Variants in C1orf21 observed in about 807,000 individuals in gnomAD.
C1orf21 encodes the protein chromosome 1 open reading frame 21, also known as uncharacterized protein C1orf21.
Under a neutral mutation model 18.7 loss-of-function variants are expected in C1orf21, and 3 were observed. The observed-to-expected ratio is 0.16, with a 90% CI of 0.07 to 0.42. The LOEUF (loss-of-function observed/expected upper bound fraction) is 0.42, where lower values mean the gene tolerates loss of function less well. Ranked by LOEUF, C1orf21 falls within the 10% of genes least tolerant of loss-of-function variation. C1orf21 has a pLI of 0.99. For synonymous variants in C1orf21, 41 were observed against 46.4 expected (o/e 0.88, Z 0.47); for missense variants, 104 against 143.6 (o/e 0.72, Z 1.41).
chr1:184,528,327 G>A (rs970837472), intron 3 of C1orf21, among the ~76,000 whole-genome samples: 3 of 152,192 alleles, frequency 2.0e-5, no homozygotes, highest in African/African-American at 7.2e-5. Context: ...ATTTTTGTGA[G>A]ATGCTTTCCA....
chr1:184,590,368 C>T (rs192010256), intron 3 of C1orf21, among the ~76,000 whole-genome samples: 97 of 152,272 alleles, frequency 6.4e-4, no homozygotes, highest in African/African-American at 2.1e-3. Context: ...ATAAATTGCA[C>T]GGAAGTCAGT....
intron 5 of C1orf21, among the ~76,000 whole-genome samples, chr1:184,616,673 T>C (rs1659828662): frequency 6.6e-6 from 1 of 152,120 alleles, no homozygotes; most frequent in African/African-American, 2.4e-5. Flanking sequence ...TGTGTGCATG[T>C]GTGCACGTGT....
intron 2 of C1orf21, among the ~76,000 whole-genome samples, chr1:184,496,622 C>T (rs1657898462): frequency 6.6e-6 from 1 of 152,130 alleles, no homozygotes; most frequent in Non-Finnish European, 1.5e-5. Flanking sequence ...TTATTGAATT[C>T]TGGAATTTTA....
intron 3 of C1orf21, among the ~76,000 whole-genome samples, chr1:184,512,700 G>A (rs764648048): frequency 8.5e-4 from 129 of 152,184 alleles, no homozygotes; most frequent in Admixed American, 2.9e-3. Flanking sequence ...TATAATTTTG[G>A]CCAAATATCA....
At chr1:184,611,417 G>A (rs960688775) in intron 5 of C1orf21, among the ~76,000 whole-genome samples, 2 of 152,190 alleles carry the variant, frequency 1.3e-5, no homozygotes, top group African/African-American at 4.8e-5. Flanking sequence ...TGCAGGCGGT[G>A]GTTTAAGCCC....
chr1:184,422,387 A>C (rs1656559512), intron 1 of C1orf21, among the ~76,000 whole-genome samples: 1 of 152,238 alleles, frequency 6.6e-6, no homozygotes, highest in South Asian at 2.1e-4. Flanking sequence ...GCCAGGCAGC[A>C]TTCTTAGCAC....
intron 1 of C1orf21, among the ~76,000 whole-genome samples, chr1:184,417,922 A>G (rs74131666): frequency 0.021 from 3,129 of 152,284 alleles, 115 homozygotes; most frequent in African/African-American, 0.069. Context: ...GTGTGGGGGC[A>G]GCAGAACTCT....
At chr1:184,399,137 A>G (rs1390511413) in intron 1 of C1orf21, among the ~76,000 whole-genome samples, 1 of 151,890 alleles carries the variant, frequency 6.6e-6, no homozygotes, top group Non-Finnish European at 1.5e-5. Context: ...TTCTTTCCCT[A>G]TTTTTATCTC....
intron 1 of C1orf21, among the ~76,000 whole-genome samples, chr1:184,400,016 G>T (rs1656123779): frequency 8.3e-6 from 1 of 119,878 alleles, no homozygotes; most frequent in South Asian, 2.2e-4. Flanking sequence ...AAACCAACAA[G>T]ATTTTTTTTT....
At chr1:184,595,058 A>G (rs1312320810) in intron 4 of C1orf21, among the ~76,000 whole-genome samples, 1 of 152,188 alleles carries the variant, frequency 6.6e-6, no homozygotes, top group East Asian at 1.9e-4. Flanking sequence ...TTAATTCACA[A>G]GAGCTTTGCC....
intron 1 of C1orf21, among the ~76,000 whole-genome samples, chr1:184,417,694 C>T (rs1391861233): frequency 6.6e-6 from 1 of 152,228 alleles, no homozygotes. Flanking sequence ...GATATTTCAT[C>T]TGAATCAGGC....
At chr1:184,537,169 T>C (rs12125349) in intron 3 of C1orf21, among the ~76,000 whole-genome samples, 77,612 of 151,960 alleles carry the variant, frequency 0.51, 20,131 homozygotes, top group African/African-American at 0.62. Context: ...TCTTAATAGT[T>C]GTGTACAGTT....
chr1:184,460,273 C>A (rs1184046588), intron 1 of C1orf21, among the ~76,000 whole-genome samples: 2 of 152,256 alleles, frequency 1.3e-5, no homozygotes, highest in East Asian at 3.9e-4. Flanking sequence ...CAATGTTTGC[C>A]CTGCTCATTT....
intron 3 of C1orf21, among the ~76,000 whole-genome samples, chr1:184,561,162 C>A (rs1474875687): frequency 6.6e-6 from 1 of 152,154 alleles, no homozygotes; most frequent in Non-Finnish European, 1.5e-5. Flanking sequence ...ATTTGCCTAG[C>A]CCAACCTAAG....
chr1:184,408,048 T>A (rs1293167608), intron 1 of C1orf21, among the ~76,000 whole-genome samples: 2 of 152,100 alleles, frequency 1.3e-5, no homozygotes, highest in Non-Finnish European at 2.9e-5. Flanking sequence ...ACAGTCTGAG[T>A]TCTCATTTTC....
At chr1:184,567,217 A>G in intron 3 of C1orf21, 1 of 466,842 alleles carries the variant, frequency 2.1e-6, no homozygotes, top group Non-Finnish European at 4.3e-6. Context: ...CTGTCATCAC[A>G]TTCCATCCCC....
intron 3 of C1orf21, among the ~76,000 whole-genome samples, chr1:184,549,172 G>T (rs893566000): frequency 6.6e-6 from 1 of 152,132 alleles, no homozygotes; most frequent in Non-Finnish European, 1.5e-5. Flanking sequence ...TCTCCTAGCC[G>T]TGGAACTTTA....
intron 3 of C1orf21, among the ~76,000 whole-genome samples, chr1:184,529,714 G>A (rs898693432): frequency 7.9e-5 from 12 of 152,314 alleles, no homozygotes; most frequent in Middle Eastern, 3.4e-3. Flanking sequence ...AGTCAGGTGG[G>A]AGGAAAATCA....
chr1:184,557,682 G>A (rs1658897960), intron 3 of C1orf21, among the ~76,000 whole-genome samples: 1 of 152,044 alleles, frequency 6.6e-6, no homozygotes, highest in Non-Finnish European at 1.5e-5. Flanking sequence ...CCATATTTTT[G>A]CAATTGCTAA....
Sources: allele counts gnomAD v4.1 joint callset (sites outside exome capture counted in the v4.1 genomes callset), GRCh38; gene constraint gnomAD v4.1.1; transcripts MANE v1.5; gene names NCBI Gene and HGNC (gene_info 2026-07-23, HGNC 2026-07-21).